KIF20B: variants seen among roughly 807,000 people sequenced by gnomAD.
KIF20B encodes kinesin family member 20B, also known as kinesin-like protein KIF20B.
Under a neutral mutation model 232.5 loss-of-function variants are expected in KIF20B, and 188 were observed. That is an observed-to-expected ratio of 0.81 (90% CI 0.72 to 0.91). The LOEUF (loss-of-function observed/expected upper bound fraction) is 0.91. Ranked by LOEUF, KIF20B falls within the 40% of genes least tolerant of loss-of-function variation. The probability of loss-of-function intolerance (pLI) is 0.00; values close to 1 mark genes in which losing one functional copy is unlikely to be tolerated. For synonymous variants in KIF20B, 712 were observed against 683.0 expected (o/e 1.04, Z -0.66); for missense variants, 2,154 against 2,055.9 (o/e 1.05, Z -0.92).
At chr10:89,734,448 A>G (rs1396345541) in intron 19 of KIF20B, among the ~76,000 whole-genome samples, 1 of 152,130 alleles carries the variant, frequency 6.6e-6, no homozygotes, top group African/African-American at 2.4e-5. Flanking sequence ...CATAGTATTA[A>G]AAAACCTTGA....
intron 24 of KIF20B, 55 bp downstream of exon 24, chr10:89,751,526 T>A (rs770938812): frequency 8.8e-6 from 13 of 1,485,396 alleles, no homozygotes; most frequent in South Asian, 1.3e-5. Flanking sequence ...TAAAAAAAAA[T>A]TTCCTAGATT....
At chr10:89,710,760 T>A (rs1347133960) in intron 5 of KIF20B, among the ~76,000 whole-genome samples, 3 of 152,234 alleles carry the variant, frequency 2.0e-5, no homozygotes, top group Non-Finnish European at 2.9e-5. Context: ...GTTTCATGTT[T>A]ACATCAGAAT....
At chr10:89,725,732 C>T (rs1017589742) in intron 15 of KIF20B, among the ~76,000 whole-genome samples, 2 of 152,304 alleles carry the variant, frequency 1.3e-5, no homozygotes, top group Admixed American at 1.3e-4. Flanking sequence ...CGCCACTGTG[C>T]TCAGCTTATT....
intron 23 of KIF20B, among the ~76,000 whole-genome samples, chr10:89,750,054 A>G (rs1841992673): frequency 1.3e-5 from 2 of 151,914 alleles, no homozygotes; most frequent in African/African-American, 4.8e-5. Context: ...TTTGGTGTGT[A>G]TTTTGGGGTT....
At chr10:89,772,589 TTCTTTATTAAGGATTTCAAACCA>T (rs1220651448) in intron 31 of KIF20B, 77 bp from the exon 32 acceptor site, 3 of 701,558 alleles carry the variant, frequency 4.3e-6, no homozygotes, top group Non-Finnish European at 4.6e-6. Context: ...TGTATGTTCA[TTCTTTATTAAGGATTTCAAACCA>T]TCTTTATTAA....
chr10:89,703,654 C>G (rs557268147), intron 1 of KIF20B, among the ~76,000 whole-genome samples: 32 of 152,132 alleles, frequency 2.1e-4, no homozygotes, highest in South Asian at 6.2e-4. Context: ...GGCATTCAAA[C>G]CTGGCAGGCT....
chr10:89,769,340 A>G lies in KIF20B; in HGVS notation c.5242+452A>G, dbSNP rs1842424715. ...GTTGGGGCAGGAAATCCCCTTCCTCATCCCTGTTTTCTGCTTATCACTAGA... is the reference window on the plus strand; with the variant it reads ...GTTGGGGCAGGAAATCCCCTTCCTCGTCCCTGTTTTCTGCTTATCACTAGA... On this transcript the variant is annotated intron_variant, in intron 31 of 32. Transcript: ENST00000371728. Among the ~76,000 whole-genome samples, 3 of 151,968 alleles carry G rather than the reference A, an allele frequency of 2.0e-5. No homozygotes were observed. The South Asian group carries it at 6.2e-4, about 31-fold the overall frequency.
intron 16 of KIF20B, among the ~76,000 whole-genome samples, chr10:89,727,478 A>G (rs577594105): frequency 1.1e-4 from 16 of 152,332 alleles, no homozygotes; most frequent in Admixed American, 5.9e-4. Context: ...ATTAGTTGCA[A>G]TAACTGCTCT....
At chr10:89,720,669 T>G (rs1843036276) in intron 13 of KIF20B, among the ~76,000 whole-genome samples, 1 of 152,140 alleles carries the variant, frequency 6.6e-6, no homozygotes, top group Non-Finnish European at 1.5e-5. Flanking sequence ...ATTTAACGGT[T>G]GTTTTTTTAG....
intron 23 of KIF20B, among the ~76,000 whole-genome samples, chr10:89,747,454 C>T (rs1286262194): frequency 6.6e-6 from 1 of 151,934 alleles, no homozygotes; most frequent in African/African-American, 2.4e-5. Flanking sequence ...TATAGCAGCA[C>T]TATTCACAAT....
intron 7 of KIF20B, among the ~76,000 whole-genome samples, 193 bp from the exon 8 acceptor site, chr10:89,714,762 T>C (rs946410437): frequency 3.9e-5 from 6 of 152,342 alleles, no homozygotes; most frequent in East Asian, 1.9e-4. Flanking sequence ...AAAGGAATTA[T>C]AAGAAGTTGT....
At chr10:89,762,543 C>A in intron 28 of KIF20B, 95 bp from the exon 29 acceptor site, 1 of 865,760 alleles carries the variant, frequency 1.2e-6, no homozygotes, top group Non-Finnish European at 1.8e-6. Context: ...TTTCCCAATG[C>A]ATTGTCTTGG....
Position 89,729,187 on chromosome 10 carries a change from A to G in KIF20B, c.2331A>G (p.Glu777=). The G allele has an allele frequency of 6.7e-7, 1 of 1,482,270 alleles. No homozygotes were observed. The highest frequency in any genetic ancestry group is 1.3e-5 in the South Asian group (1 of 78,272). 91.8% of individuals were successfully genotyped at this position (1,482,270 alleles called of 1,614,324 possible). Residue 777 remains glutamate (E), a synonymous_variant, in exon 18 of 33, where the codon GAA becomes GAG. Coordinates refer to ENST00000371728, the MANE Select transcript of KIF20B (RefSeq NM_001284259.2). ...KELINIIDQK[E]DTINEFQNLK... is the part of the protein sequence containing the mutation. ...TGATAAATATAATTGATCAAAAAGA[A>G]GATACTATCAACGAATTTCAGAACC...
rs768678283 is a variant in KIF20B at position 89,739,013 on chromosome 10, C to G, written c.3832C>G (p.Leu1278Val). The stretch of plus-strand genomic sequence containing the variant: ...TCGTACCCAGAATCTGAAAGCAGAT[C>G]TTCAGAGGAAGGAAGAAGATTATGC... ...SARTQNLKAD[L>V]QRKEEDYADL... is the part of the protein sequence containing the mutation. The change falls in exon 21 of 33, where the codon CTT (leucine) becomes GTT (valine). Residue 1278 changes from leucine (L) to valine (V), a missense_variant. Transcript: ENST00000371728. 3.2e-5 allele frequency: 51 copies of G among 1,613,134 alleles called. No individual in the cohort carries two copies. The highest frequency in any genetic ancestry group is 4.5e-5 in the East Asian group (2 of 44,802).
Position 89,724,057 on chromosome 10 carries a change from A to G in KIF20B, c.1816A>G (p.Thr606Ala). ...GGAATTTAAAATTCGAGAAGAAGTT[A>G]CACAGGAGTTTACTCAGTATTGGGC... is the stretch of plus-strand genomic sequence containing the variant. ...TLEFKIREEV[T>A]QEFTQYWAQR... The change falls in exon 14 of 33, where the codon ACA (threonine) becomes GCA (alanine). Residue 606 changes from threonine to alanine, a missense_variant. Coordinates refer to ENST00000371728, the MANE Select transcript of KIF20B (RefSeq NM_001284259.2). 6.3e-7 allele frequency: 1 copy of G among 1,578,002 alleles called. No homozygotes were observed. Among genetic ancestry groups the G allele is most frequent in the Non-Finnish European group, 8.6e-7 (1 of 1,167,096 alleles).
At position 89,717,429 on chromosome 10, in the gene KIF20B, G is replaced by A. The variant is rs760714022; in HGVS notation, c.1058G>A (p.Ser353Asn). 1.3e-6 allele frequency: 2 copies of A among 1,569,368 alleles called. No homozygotes were observed. Among genetic ancestry groups the A allele is most frequent in the Non-Finnish European group, 1.7e-6 (2 of 1,144,810 alleles). ...KLNNASSRSHSIFTVKILQIE... is the reference protein window; with the variant it reads ...KLNNASSRSHNIFTVKILQIE... ...ATTTGATCTTTGTATTTCAGTCACAGCATATTCACTGTTAAAATATTACAG... is the reference window on the plus strand; with the variant it reads ...ATTTGATCTTTGTATTTCAGTCACAACATATTCACTGTTAAAATATTACAG... Residue 353 changes from serine to asparagine, a missense_variant, in exon 10 of 33, where the codon AGC (serine) becomes AAC (asparagine). Physicochemically the swap from Ser to Asn is conservative, Grantham distance 46. Coordinates refer to ENST00000371728, the MANE Select transcript of KIF20B (RefSeq NM_001284259.2).
chr10:89,757,069 T>TACAC (rs1554852937), intron 26 of KIF20B, among the ~76,000 whole-genome samples: 2,044 of 134,292 alleles, frequency 0.015, 38 homozygotes, highest in East Asian at 0.042. Flanking sequence ...TATATATATA[T>TACAC]ACACACATGA....
rs762899192 is a variant in KIF20B at position 89,726,447 on chromosome 10, A to G, written c.2156A>G (p.Gln719Arg). 6.2e-7 allele frequency: 1 copy of G among 1,607,024 alleles called. No individual in the cohort carries two copies. Among genetic ancestry groups the G allele is most frequent in the East Asian group, 2.2e-5 (1 of 44,538 alleles). ...ATACLELKFNQIKAELAKTKG... is the reference protein window; with the variant it reads ...ATACLELKFNRIKAELAKTKG... ...GCTTGTTTAGAACTAAAGTTTAATC[A>G]AATTAAAGCTGAATTAGCTAAAACC... is the stretch of plus-strand genomic sequence containing the variant. Residue 719 changes from glutamine to arginine, a missense_variant, in exon 16 of 33, where the codon CAA becomes CGA. Gln to Arg is a conservative substitution (Grantham distance 43). Transcript: ENST00000371728.
At chr10:89,709,043 T>G in intron 2 of KIF20B, 124 bp from the exon 3 acceptor site, 1 of 695,588 alleles carries the variant, frequency 1.4e-6, no homozygotes, top group Non-Finnish European at 2.5e-6. Context: ...AGCAGGATAG[T>G]GACTGCTTAG....
Sources: allele counts gnomAD v4.1 joint callset (sites outside exome capture counted in the v4.1 genomes callset), GRCh38; gene constraint gnomAD v4.1.1; transcripts MANE v1.5; gene names NCBI Gene and HGNC (gene_info 2026-07-23, HGNC 2026-07-21).